Variants in SORCS3 observed in about 807,000 individuals in gnomAD.
SORCS3 encodes the protein sortilin related VPS10 domain containing receptor 3.
In SORCS3, 57 loss-of-function variants were observed where a neutral mutation model predicts 146.3. The observed-to-expected ratio is 0.39, with a 90% confidence interval of 0.31 to 0.49. SORCS3 has a LOEUF of 0.49. SORCS3 is among the 20% of genes least tolerant of loss of function. SORCS3 has a pLI of 0.92. For synonymous variants in SORCS3, 653 were observed against 618.5 expected (o/e 1.06, Z -0.83); for missense variants, 1,341 against 1,575.5 (o/e 0.85, Z 2.52).
chr10:105,151,326 A>G (rs777382096), intron 9 of SORCS3, among the ~76,000 whole-genome samples: 6 of 152,182 alleles, frequency 3.9e-5, no homozygotes, highest in Non-Finnish European at 8.8e-5. Flanking sequence ...ACTGGTAAAA[A>G]GCTGACTGAA....
intron 9 of SORCS3, among the ~76,000 whole-genome samples, chr10:105,152,244 A>G (rs1286917162): frequency 6.6e-6 from 1 of 152,218 alleles, no homozygotes; most frequent in Non-Finnish European, 1.5e-5. Flanking sequence ...GCTTTAGACC[A>G]GCACTGTCAA....
chr10:105,139,941 C>A (rs971555383), intron 8 of SORCS3, among the ~76,000 whole-genome samples: 2 of 152,158 alleles, frequency 1.3e-5, no homozygotes, highest in African/African-American at 4.8e-5. Flanking sequence ...GTTTCTACTC[C>A]CCCTGCCACC....
intron 1 of SORCS3, among the ~76,000 whole-genome samples, chr10:104,788,444 A>G (rs77348139): frequency 1.0e-3 from 158 of 152,350 alleles, no homozygotes; most frequent in Admixed American, 2.5e-3. Context: ...CAGTATATAT[A>G]GTATGAATCC....
intron 3 of SORCS3, among the ~76,000 whole-genome samples, chr10:104,940,782 G>T (rs2019313145): frequency 6.6e-6 from 1 of 151,942 alleles, no homozygotes; most frequent in African/African-American, 2.4e-5. Flanking sequence ...TGGATAAGAA[G>T]AATCAATATC....
intron 5 of SORCS3, among the ~76,000 whole-genome samples, chr10:105,044,694 T>C (rs1589606999): frequency 1.3e-5 from 2 of 152,058 alleles, no homozygotes; most frequent in South Asian, 4.2e-4. Flanking sequence ...CTGTTTTTTT[T>C]TTTGTTTTGT....
intron 3 of SORCS3, among the ~76,000 whole-genome samples, chr10:104,970,394 G>A (rs749221816): frequency 3.9e-5 from 6 of 152,118 alleles, no homozygotes; most frequent in South Asian, 4.1e-4. Context: ...TGATTCACCC[G>A]CCTCGGCCTC....
chr10:104,650,900 G>A (rs2015550956), intron 1 of SORCS3, among the ~76,000 whole-genome samples: 1 of 151,998 alleles, frequency 6.6e-6, no homozygotes, highest in African/African-American at 2.4e-5. Context: ...TCATTCAGAT[G>A]GTTAGAATCA....
intron 6 of SORCS3, among the ~76,000 whole-genome samples, chr10:105,093,470 C>T (rs1403085177): frequency 6.6e-6 from 1 of 152,058 alleles, no homozygotes; most frequent in East Asian, 1.9e-4. Flanking sequence ...ACTGTTAAAA[C>T]ACTGGGAGAA....
rs370793859 is a variant in SORCS3 at position 104,935,580 on chromosome 10, C to T, written c.795+19648C>T. Among the ~76,000 whole-genome samples the T allele has an allele frequency of 3.7e-3, 564 of 152,208 alleles. 5 individuals are homozygous for T. Among genetic ancestry groups the T allele is most frequent in the African/African-American group, 0.013 (523 of 41,514 alleles). On this transcript the variant is annotated intron_variant, in intron 3 of 26. Coordinates refer to ENST00000369701, the MANE Select transcript of SORCS3 (RefSeq NM_014978.3). ...ATTTTATTTAGTGTCTTTTGTGTCCCTGGTCTTTGCTTTTCTGGAGTCATT... is the reference window on the plus strand; with the variant it reads ...ATTTTATTTAGTGTCTTTTGTGTCCTTGGTCTTTGCTTTTCTGGAGTCATT...
intron 1 of SORCS3, among the ~76,000 whole-genome samples, chr10:104,776,183 C>T (rs2017305898): frequency 6.6e-6 from 1 of 152,054 alleles, no homozygotes; most frequent in African/African-American, 2.4e-5. Flanking sequence ...AGGTGAGGAA[C>T]ATGTGGTTGT....
intron 1 of SORCS3, among the ~76,000 whole-genome samples, chr10:104,737,145 A>G (rs2016783948): frequency 6.6e-6 from 1 of 152,186 alleles, no homozygotes. Context: ...TCCATGGTGT[A>G]TATGTGCCAC....
intron 6 of SORCS3, among the ~76,000 whole-genome samples, chr10:105,095,222 GCT>G (rs1334831966): frequency 6.6e-6 from 1 of 152,124 alleles, no homozygotes; most frequent in Non-Finnish European, 1.5e-5. Flanking sequence ...GGCAGCTTTT[GCT>G]CTGTTTCCCT....
intron 1 of SORCS3, among the ~76,000 whole-genome samples, chr10:104,745,661 T>C (rs1481284973): frequency 6.6e-6 from 1 of 152,224 alleles, no homozygotes; most frequent in Non-Finnish European, 1.5e-5. Context: ...GGCACTATGC[T>C]GCGCTGTCCA....
At chr10:104,824,567 T>C (rs2017914094) in intron 1 of SORCS3, among the ~76,000 whole-genome samples, 1 of 152,218 alleles carries the variant, frequency 6.6e-6, no homozygotes, top group Non-Finnish European at 1.5e-5. Context: ...TTCACTTCAC[T>C]GTTATTTACA....
intron 13 of SORCS3, among the ~76,000 whole-genome samples, chr10:105,176,849 G>A (rs915566824): frequency 2.7e-5 from 4 of 148,170 alleles, no homozygotes; most frequent in East Asian, 1.9e-4. Context: ...GTGAGACTCC[G>A]TCTCAAACAA....
chr10:104,685,617 C>G (rs2016034977), intron 1 of SORCS3, among the ~76,000 whole-genome samples: 1 of 152,202 alleles, frequency 6.6e-6, no homozygotes, highest in Admixed American at 6.5e-5. Flanking sequence ...GTTTTCTAGC[C>G]TAAGCCCTGG....
At chr10:104,814,511 A>G (rs947817651) in intron 1 of SORCS3, among the ~76,000 whole-genome samples, 2 of 152,064 alleles carry the variant, frequency 1.3e-5, no homozygotes, top group Non-Finnish European at 2.9e-5. Flanking sequence ...TCTCCCGCCA[A>G]TGCATGTCTC....
intron 9 of SORCS3, among the ~76,000 whole-genome samples, chr10:105,152,780 C>T (rs1048490634): frequency 3.3e-5 from 5 of 152,060 alleles, no homozygotes; most frequent in African/African-American, 7.2e-5. Flanking sequence ...ATATTTTTTT[C>T]TTATTTATCT....
intron 1 of SORCS3, among the ~76,000 whole-genome samples, chr10:104,651,089 A>G (rs2015552785): frequency 6.6e-6 from 1 of 152,222 alleles, no homozygotes; most frequent in Admixed American, 6.5e-5. Context: ...AAGAGTTCTG[A>G]GACAATGAAG....
Sources: allele counts gnomAD v4.1 joint callset (sites outside exome capture counted in the v4.1 genomes callset), GRCh38; gene constraint gnomAD v4.1.1; transcripts MANE v1.5; gene names NCBI Gene and HGNC (gene_info 2026-07-23, HGNC 2026-07-21).